SPRR2G: variants seen among roughly 807,000 people sequenced by gnomAD.
SPRR2G encodes the protein small proline-rich protein 2G.
A neutral mutation model predicts 0.7 loss-of-function variants in SPRR2G; 1 was observed. The observed-to-expected ratio is 1.49, with a 90% CI of 0.53 to 7.06. SPRR2G has a LOEUF of 7.06. SPRR2G is among the 30% of genes most tolerant of loss of function. The pLI is 0.14. For synonymous variants in SPRR2G, 38 were observed against 33.9 expected, an observed-to-expected ratio of 1.12 and a Z score of -0.42; for missense variants, 96 against 88.5, an observed-to-expected ratio of 1.09 and a Z score of -0.34.
At chr1:153,155,184 A>G (rs1656556864), upstream of SPRR2G, among the ~76,000 whole-genome samples, 1 of 152,082 alleles carries the variant, frequency 6.6e-6, no homozygotes, top group Non-Finnish European at 1.5e-5. Context: ...TAACTCACTC[A>G]TCTACATTTG....
chr1:153,200,106 C>T, the SPRR2G span, among the ~76,000 whole-genome samples: 1 of 152,202 alleles, frequency 6.6e-6, no homozygotes, highest in Admixed American at 6.5e-5. Context: ...CACTGAATGG[C>T]CCAGTGACTT....
At chr1:153,182,254 A>C in the SPRR2G span, among the ~76,000 whole-genome samples, 597 of 152,124 alleles carry the variant, frequency 3.9e-3, 8 homozygotes, top group African/African-American at 0.013. Context: ...CCCACTTTTT[A>C]ACAGGATTGT....
chr1:153,157,859 A>G, the SPRR2G span, among the ~76,000 whole-genome samples: 1 of 146,348 alleles, frequency 6.8e-6, no homozygotes, highest in Non-Finnish European at 1.5e-5. Context: ...CCACACTTAC[A>G]ATCATGGAAG....
chr1:153,187,798 T>G, the SPRR2G span, among the ~76,000 whole-genome samples: 2 of 152,290 alleles, frequency 1.3e-5, no homozygotes, highest in Non-Finnish European at 1.5e-5. Context: ...GTTTTGGAAT[T>G]TTCAGCATTT....
the SPRR2G span, among the ~76,000 whole-genome samples, chr1:153,178,463 CCTT>C: frequency 6.6e-6 from 1 of 152,108 alleles, no homozygotes; most frequent in Middle Eastern, 3.2e-3. Flanking sequence ...TCATAGATGA[CCTT>C]CATCGCATAG....
At chr1:153,172,223 T>C in the SPRR2G span, among the ~76,000 whole-genome samples, 3 of 152,146 alleles carry the variant, frequency 2.0e-5, no homozygotes, top group Non-Finnish European at 4.4e-5. Context: ...ATTATAACTC[T>C]CATGCTCAGA....
At chr1:153,199,858 G>A in the SPRR2G span, among the ~76,000 whole-genome samples, 8 of 152,032 alleles carry the variant, frequency 5.3e-5, no homozygotes, top group African/African-American at 1.9e-4. Flanking sequence ...CCACAGAGAG[G>A]GTTTTAAGAG....
chr1:153,152,893 G>C (rs950546478), upstream of SPRR2G, among the ~76,000 whole-genome samples: 2 of 152,164 alleles, frequency 1.3e-5, no homozygotes, highest in African/African-American at 4.8e-5. Flanking sequence ...TATCATTTAT[G>C]CTTGATAAAC....
chr1:153,151,908 A>C (rs904939020), upstream of SPRR2G, among the ~76,000 whole-genome samples: 1 of 152,208 alleles, frequency 6.6e-6, no homozygotes, highest in African/African-American at 2.4e-5. Context: ...TAACCATATT[A>C]ACACTTCAGC....
At chr1:153,176,573 T>C in the SPRR2G span, 1 of 152,190 alleles carries the variant, frequency 6.6e-6, no homozygotes, top group African/African-American at 2.4e-5. Context: ...TTGGCAGCTG[T>C]ACAGGTACCA....
At chr1:153,188,025 C>T in the SPRR2G span, among the ~76,000 whole-genome samples, 1 of 152,176 alleles carries the variant, frequency 6.6e-6, no homozygotes, top group African/African-American at 2.4e-5. Flanking sequence ...CTGGGTATTA[C>T]CAGTGGAAGC....
the SPRR2G span, among the ~76,000 whole-genome samples, chr1:153,185,777 G>C: frequency 6.6e-6 from 1 of 152,006 alleles, no homozygotes; most frequent in Admixed American, 6.6e-5. Context: ...GTTTGCTCTT[G>C]CTTCTCTAGT....
upstream of SPRR2G, among the ~76,000 whole-genome samples, chr1:153,154,146 CTT>C (rs879621046): frequency 1.4e-5 from 2 of 142,774 alleles, no homozygotes; most frequent in Admixed American, 7.0e-5. Flanking sequence ...ACTGAACCAT[CTT>C]TTTTTTTTTT....
At chr1:153,168,959 A>G in the SPRR2G span, among the ~76,000 whole-genome samples, 2 of 150,118 alleles carry the variant, frequency 1.3e-5, no homozygotes, top group African/African-American at 2.5e-5. Flanking sequence ...ATGTTAGATC[A>G]TCAAATAAAT....
chr1:153,192,025 A>G, the SPRR2G span, among the ~76,000 whole-genome samples: 6 of 152,242 alleles, frequency 3.9e-5, no homozygotes, highest in Admixed American at 2.0e-4. Context: ...GACAAAGAGA[A>G]TAAGACACTG....
the SPRR2G span, among the ~76,000 whole-genome samples, chr1:153,201,888 TCTAA>T: frequency 6.6e-6 from 1 of 152,204 alleles, no homozygotes; most frequent in African/African-American, 2.4e-5. Context: ...GAGGGTTGAC[TCTAA>T]CTAAACTCTT....
chr1:153,182,450 C>T, the SPRR2G span, among the ~76,000 whole-genome samples: 10 of 151,886 alleles, frequency 6.6e-5, no homozygotes, highest in Non-Finnish European at 1.3e-4. Flanking sequence ...TATACATTTG[C>T]CATGGTGGTT....
the SPRR2G span, among the ~76,000 whole-genome samples, chr1:153,183,109 C>A: frequency 6.7e-6 from 1 of 148,962 alleles, no homozygotes; most frequent in Non-Finnish European, 1.5e-5. Context: ...ACTCTTGTTG[C>A]CCAGGCTAGA....
chr1:153,203,036 A>C, the SPRR2G span, among the ~76,000 whole-genome samples: 1 of 152,218 alleles, frequency 6.6e-6, no homozygotes, highest in Non-Finnish European at 1.5e-5. Context: ...AAAATAAAGA[A>C]AAGAAGAATG....
Sources: allele counts gnomAD v4.1 joint callset (sites outside exome capture counted in the v4.1 genomes callset), GRCh38; gene constraint gnomAD v4.1.1; transcripts MANE v1.5; gene names NCBI Gene and HGNC (gene_info 2026-07-23, HGNC 2026-07-21).